VEGFC: variants seen among roughly 807,000 people sequenced by gnomAD.
VEGFC encodes the protein FLT4 ligand DHM.
In VEGFC, 12 loss-of-function variants were observed where a neutral mutation model predicts 46.1. The ratio of observed to expected loss-of-function variants is 0.26; its 90% CI spans 0.17 to 0.42. VEGFC has a LOEUF of 0.42. Ranked by LOEUF, VEGFC falls within the 10% of genes least tolerant of loss-of-function variation. VEGFC has a pLI of 1.00. For synonymous variants in VEGFC, 232 were observed against 195.5 expected (o/e 1.19, Z -1.56); for missense variants, 488 against 529.4 (o/e 0.92, Z 0.77).
chr4:176,784,063 GT>G (rs66870525), intron 1 of VEGFC, among the ~76,000 whole-genome samples: 3,783 of 45,856 alleles, frequency 0.082, 101 homozygotes, highest in African/African-American at 0.13. Context: ...TGCACATGCT[GT>G]TTTTTTTTTT....
chr4:176,703,655 A>G (rs746889681), intron 4 of VEGFC, among the ~76,000 whole-genome samples: 2 of 152,098 alleles, frequency 1.3e-5, no homozygotes, highest in Non-Finnish European at 2.9e-5. Context: ...GAAATGATAA[A>G]TGTTTGAGGT....
intron 4 of VEGFC, among the ~76,000 whole-genome samples, chr4:176,707,406 T>C (rs1227490674): frequency 1.3e-5 from 2 of 152,178 alleles, no homozygotes; most frequent in East Asian, 3.9e-4. Context: ...TTTTATAACA[T>C]AGTCACATGT....
Position 176,792,411 on chromosome 4 carries a change from C to T in VEGFC, c.-100G>A. On this transcript the variant is annotated 5_prime_UTR_variant, in exon 1 of 7. Coordinates refer to ENST00000618562, the MANE Select transcript of VEGFC (RefSeq NM_005429.5). This position sits in a 1 kb window ranked among gnomAD's most constrained non-coding sequence, Gnocchi z 6.3. ...CGCGGGCCCCTCCTGGTCCCTCTCC[C>T]CCGGGCTCCTCCCGGCGACCCCCCC... 1.0e-6 allele frequency: 1 copy of T among 960,358 alleles called. No individual in the cohort carries two copies. Among genetic ancestry groups the T allele is most frequent in the Non-Finnish European group, 1.4e-6 (1 of 707,292 alleles). The allele number at this position is 960,358 out of a possible 1,614,324, so 59.5% of individuals were successfully genotyped here. A position where few individuals can be genotyped will look rare whatever the true frequency, so the allele number is the denominator to read the frequency against.
At chr4:176,771,011 G>C (rs1735713027) in intron 1 of VEGFC, among the ~76,000 whole-genome samples, 1 of 94,490 alleles carries the variant, frequency 1.1e-5, no homozygotes, top group Admixed American at 1.0e-4. Context: ...CACACACAAA[G>C]GTATTGCTCT....
intron 1 of VEGFC, among the ~76,000 whole-genome samples, chr4:176,750,425 C>T (rs1424387167): frequency 6.6e-6 from 1 of 151,064 alleles, no homozygotes; most frequent in Non-Finnish European, 1.5e-5. Context: ...TATATAGATA[C>T]TAACTTGAAA....
At chr4:176,741,014 T>C (rs1365115007) in intron 1 of VEGFC, among the ~76,000 whole-genome samples, 1 of 152,012 alleles carries the variant, frequency 6.6e-6, no homozygotes, top group Non-Finnish European at 1.5e-5. Context: ...TCTTTAGATT[T>C]ACATTCTTAA....
At chr4:176,757,957 C>T (rs7695668) in intron 1 of VEGFC, among the ~76,000 whole-genome samples, 142,949 of 152,134 alleles carry the variant, frequency 0.94, 67,821 homozygotes, top group East Asian at 1. Context: ...AGTAAAAACA[C>T]AACTCCACTG....
At chr4:176,753,529 T>C (rs75415130) in intron 1 of VEGFC, among the ~76,000 whole-genome samples, 4,831 of 152,112 alleles carry the variant, frequency 0.032, 242 homozygotes, top group African/African-American at 0.11. Flanking sequence ...GAATATGAGA[T>C]AGAATATTAT....
chr4:176,741,371 A>G (rs894628501), intron 1 of VEGFC, among the ~76,000 whole-genome samples: 7 of 151,940 alleles, frequency 4.6e-5, no homozygotes, highest in African/African-American at 1.7e-4. Context: ...TGAAAATTAT[A>G]TTGGAACATT....
chr4:176,782,591 A>G (rs532824579), intron 1 of VEGFC, among the ~76,000 whole-genome samples: 9 of 152,310 alleles, frequency 5.9e-5, no homozygotes, highest in Non-Finnish European at 1.3e-4. Flanking sequence ...TTGGGAAAAC[A>G]TAATAGCACT....
intron 1 of VEGFC, among the ~76,000 whole-genome samples, chr4:176,755,871 T>G (rs904617316): frequency 1.3e-5 from 2 of 152,056 alleles, no homozygotes; most frequent in African/African-American, 4.8e-5. Context: ...GGTTAAGTAA[T>G]GCATTATTTA....
At chr4:176,741,283 T>C (rs1735170628) in intron 1 of VEGFC, among the ~76,000 whole-genome samples, 1 of 152,016 alleles carries the variant, frequency 6.6e-6, no homozygotes, top group South Asian at 2.1e-4. Flanking sequence ...CCTGCTGATT[T>C]AATTGTTGGA....
chr4:176,763,336 A>G (rs1281773914), intron 1 of VEGFC, among the ~76,000 whole-genome samples: 1 of 147,480 alleles, frequency 6.8e-6, no homozygotes, highest in Non-Finnish European at 1.5e-5. Context: ...ATCTCACCAC[A>G]TTGAAAATAA....
At chr4:176,756,908 T>G (rs1735442817) in intron 1 of VEGFC, among the ~76,000 whole-genome samples, 1 of 152,012 alleles carries the variant, frequency 6.6e-6, no homozygotes, top group African/African-American at 2.4e-5. Context: ...AAGAGAAGCT[T>G]TTTGACTTCC....
chr4:176,760,013 TAAC>T (rs1735501984), intron 1 of VEGFC, among the ~76,000 whole-genome samples: 1 of 152,036 alleles, frequency 6.6e-6, no homozygotes, highest in African/African-American at 2.4e-5. Context: ...AAATAGTTAA[TAAC>T]AAGGAGGACA....
intron 6 of VEGFC, among the ~76,000 whole-genome samples, chr4:176,685,558 A>G (rs1054461124): frequency 1.6e-4 from 24 of 152,118 alleles, no homozygotes; most frequent in East Asian, 1.9e-4. Context: ...CTGTGTTCAT[A>G]TAATTCTGTA....
Position 176,750,128 on chromosome 4 carries a change from T to C in VEGFC, c.148-20382A>G, listed in dbSNP as rs568887347. Among the ~76,000 whole-genome samples the C allele has an allele frequency of 2.0e-5, 3 of 151,790 alleles. No homozygotes were observed. The East Asian group carries it at 5.8e-4, about 29-fold the overall frequency. ...CAAAAGGAAAATAAATATTGAACAT[T>C]TTTAAATTAATCCTTACAGGAGTCA... On this transcript the variant is annotated intron_variant, in intron 1 of 6. Transcript: ENST00000618562.
In VEGFC at chr4:176,767,286, T is replaced by C. The variant is rs541644502; in HGVS notation, c.147+24879A>G. On this transcript the variant is annotated intron_variant, in intron 1 of 6. Transcript: ENST00000618562. Reference sequence around the variant, plus strand: ...AAAATAAAACCACAATGGGATGCTATTACATCACCACCACAATAGCTAAAA... The same window carrying C: ...AAAATAAAACCACAATGGGATGCTACTACATCACCACCACAATAGCTAAAA... Among the ~76,000 whole-genome samples, 8 of 152,282 alleles carry C rather than the reference T, an allele frequency of 5.3e-5. No homozygotes were observed. In the East Asian group the frequency reaches 1.5e-3, roughly 29 times the overall value.
At chr4:176,722,625 C>T (rs902389498) in intron 3 of VEGFC, among the ~76,000 whole-genome samples, 4 of 151,688 alleles carry the variant, frequency 2.6e-5, no homozygotes, top group Admixed American at 2.6e-4. Flanking sequence ...CTACCTCCCG[C>T]GTAGCTGGGA....
Sources: gnomAD v4.1 joint callset for allele counts (sites outside exome capture counted in the v4.1 genomes callset) on GRCh38, gnomAD v4.1.1 for gene constraint, Gnocchi (gnomAD v3.1) non-coding constraint, MANE v1.5 for transcripts, NCBI Gene and HGNC (gene_info 2026-07-23, HGNC 2026-07-21) for gene names.